The following GPATCH11 variants were observed in gnomAD, a reference collection of about 807,000 sequenced individuals.
GPATCH11 encodes the protein G patch domain-containing protein 11.
A neutral mutation model predicts 44.8 loss-of-function variants in GPATCH11; 32 were observed. That is an observed-to-expected ratio of 0.71 (90% CI 0.54 to 0.96). The LOEUF (loss-of-function observed/expected upper bound fraction) is 0.96, where lower values mean the gene tolerates loss of function less well. Among genes scored for constraint, GPATCH11 ranks in the 40% least tolerant of loss-of-function variants. The probability of loss-of-function intolerance (pLI) is 0.00; values close to 1 mark genes in which losing one functional copy is unlikely to be tolerated. For missense variants in GPATCH11, 324 were observed against 303.1 expected, an observed-to-expected ratio of 1.07 and a Z score of -0.51; for synonymous variants, 84 against 94.4, an observed-to-expected ratio of 0.89 and a Z score of 0.64.
Position 37,090,569 on chromosome 2 carries a change from A to G in GPATCH11, c.287-112A>G. 3.3e-6 allele frequency: 2 copies of G among 613,116 alleles called. 1 individual carries two copies. The highest frequency in any genetic ancestry group is 4.0e-5 in the South Asian group (2 of 49,950). The allele number at this position is 613,116 out of a possible 1,614,324, so 38.0% of individuals were successfully genotyped here. ...ATAGATGTTCAGATTTCAATTTTGA[A>G]TATCATTGAAACAGGAGGGCATATG... On this transcript the variant is annotated intron_variant, in intron 3 of 8. Coordinates refer to ENST00000674370, the MANE Select transcript of GPATCH11 (RefSeq NM_174931.4).
Position 37,092,469 on chromosome 2 carries a change from TTATATATATAA to T in GPATCH11, c.540+224_540+234del, listed in dbSNP as rs1368719010. Among the ~76,000 whole-genome samples the T allele has an allele frequency of 1.2e-4, 17 of 139,230 alleles. 1 individual carries two copies. In the East Asian group the frequency reaches 3.4e-3, roughly 28 times the overall value. 91.3% of individuals were successfully genotyped at this position (139,230 alleles called of 152,430 possible). A position where few individuals can be genotyped will look rare whatever the true frequency, so the allele number is the denominator to read the frequency against. ...TATATATTATATATATTTTATGTATTTATATATATAATATATATATTATATATATATATAAA... is the reference window on the plus strand; with the variant it reads ...TATATATTATATATATTTTATGTATTTATATATATTATATATATATATAAA... On this transcript the variant is annotated intron_variant, in intron 6 of 8. Transcript: ENST00000674370.
chr2:37,094,445 C>T (rs1673476484), intron 7 of GPATCH11: 1 of 282,968 alleles, frequency 3.5e-6, no homozygotes, highest in African/African-American at 2.2e-5. Flanking sequence ...TGCAGGATTA[C>T]TTTACTAACC....
At chr2:37,089,920 T>A (rs75560817) in intron 3 of GPATCH11, 54 bp downstream of exon 3, 58,540 of 1,244,590 alleles carry the variant, frequency 0.047, 1,616 homozygotes, top group Non-Finnish European at 0.055. Context: ...TTGTGACTTA[T>A]GGATAAGGAC....
intron 1 of GPATCH11, among the ~76,000 whole-genome samples, chr2:37,087,412 G>C (rs765064677): frequency 1.3e-5 from 2 of 152,230 alleles, no homozygotes; most frequent in Non-Finnish European, 2.9e-5. Context: ...CTGTGAACCT[G>C]CTAGAAATGC....
chr2:37,093,774 G>A (rs145193502), intron 6 of GPATCH11, among the ~76,000 whole-genome samples: 5,231 of 151,856 alleles, frequency 0.034, 124 homozygotes, highest in Non-Finnish European at 0.052. Flanking sequence ...CTCCTGCCTC[G>A]GCCTCCTGAG....
intron 6 of GPATCH11, among the ~76,000 whole-genome samples, chr2:37,093,474 C>T (rs895032120): frequency 2.0e-5 from 3 of 152,188 alleles, no homozygotes; most frequent in Non-Finnish European, 4.4e-5. Context: ...AGCAATCTCT[C>T]ACTTTCCTGT....
chr2:37,086,130 G>A (rs1673027500), intron 1 of GPATCH11, among the ~76,000 whole-genome samples: 1 of 152,094 alleles, frequency 6.6e-6, no homozygotes, highest in Admixed American at 6.5e-5. Flanking sequence ...GGTTACACAG[G>A]TTAATCCTGT....
intron 6 of GPATCH11, among the ~76,000 whole-genome samples, chr2:37,092,515 T>G (rs1673387990): frequency 6.8e-6 from 1 of 146,702 alleles, no homozygotes; most frequent in Admixed American, 6.9e-5. Flanking sequence ...AACTAAGAAC[T>G]CCAAGCCCGG....
intron 5 of GPATCH11, 51 bp downstream of exon 5, chr2:37,092,087 A>G (rs1673351428): frequency 6.2e-6 from 10 of 1,603,360 alleles, no homozygotes; most frequent in Middle Eastern, 1.7e-4. Flanking sequence ...TTATTGTGGT[A>G]TGTTCTCTGG....
At chr2:37,088,759 C>A (rs1472539472) in intron 2 of GPATCH11, among the ~76,000 whole-genome samples, 1 of 152,136 alleles carries the variant, frequency 6.6e-6, no homozygotes, top group Non-Finnish European at 1.5e-5. Flanking sequence ...TGGGCTCAGG[C>A]GATCCTCCGG....
rs557529342 is a variant in GPATCH11, at chr2:37,095,591, T to C, written c.736+73T>C. 81 of 1,410,496 alleles carry C rather than the reference T, an allele frequency of 5.7e-5. No individual in the cohort carries two copies. In the East Asian group the frequency reaches 7.6e-4, roughly 13 times the overall value. The allele number at this position is 1,410,496 out of a possible 1,614,324, so 87.4% of individuals were successfully genotyped here. A position where few individuals can be genotyped will look rare whatever the true frequency, so the allele number is the denominator to read the frequency against. ...ATTTTTAGTTAAAGTCATTTCCCACTGACAATGGAAATTTCTTATTCCATT... is the reference window on the plus strand; with the variant it reads ...ATTTTTAGTTAAAGTCATTTCCCACCGACAATGGAAATTTCTTATTCCATT... On this transcript the variant is annotated intron_variant, in intron 8 of 8. Transcript: ENST00000674370.
intron 6 of GPATCH11, among the ~76,000 whole-genome samples, chr2:37,092,463 A>ATGTATT (rs1673382241): frequency 7.1e-6 from 1 of 140,664 alleles, no homozygotes; most frequent in African/African-American, 2.5e-5. Flanking sequence ...TATATATTTT[A>ATGTATT]TGTATTTATA....
intron 7 of GPATCH11, 28 bp from the exon 8 acceptor site, chr2:37,095,409 G>A (rs945393298): frequency 3.1e-6 from 5 of 1,587,908 alleles, no homozygotes; most frequent in Middle Eastern, 1.7e-4. Flanking sequence ...TCAATGTAAA[G>A]TATTAATAAT....
intron 1 of GPATCH11, 107 bp downstream of exon 1, chr2:37,084,677 G>A (rs1672886680): frequency 2.1e-6 from 2 of 932,460 alleles, no homozygotes; most frequent in Non-Finnish European, 1.4e-6. Context: ...TTTTCCATCC[G>A]TGGGTGGTTG....
chr2:37,094,971 T>G (rs971011100), intron 7 of GPATCH11, among the ~76,000 whole-genome samples: 1 of 151,726 alleles, frequency 6.6e-6, no homozygotes, highest in African/African-American at 2.4e-5. Context: ...AAATGGAGAT[T>G]ATTCAAGAAA....
intron 3 of GPATCH11, among the ~76,000 whole-genome samples, chr2:37,090,469 G>A (rs1394671734): frequency 6.6e-6 from 1 of 152,140 alleles, no homozygotes; most frequent in Non-Finnish European, 1.5e-5. Flanking sequence ...GGTGGCATAG[G>A]AGGCTGTGAA....
At chr2:37,085,920 G>A (rs1281092219) in intron 1 of GPATCH11, among the ~76,000 whole-genome samples, 1 of 152,220 alleles carries the variant, frequency 6.6e-6, no homozygotes, top group Non-Finnish European at 1.5e-5. Context: ...GCTCACTCCT[G>A]TGGCTCATGA....
chr2:37,090,331 A>G (rs1673255044), intron 3 of GPATCH11, among the ~76,000 whole-genome samples: 1 of 152,320 alleles, frequency 6.6e-6, no homozygotes, highest in South Asian at 2.1e-4. Flanking sequence ...TAGAGAGGCT[A>G]TATATTTATA....
At chr2:37,086,376 G>C (rs1403839713) in intron 1 of GPATCH11, among the ~76,000 whole-genome samples, 1 of 152,192 alleles carries the variant, frequency 6.6e-6, no homozygotes, top group Non-Finnish European at 1.5e-5. Context: ...TATCCTCATT[G>C]TTGCTAAACA....
Sources: gnomAD v4.1 joint callset for allele counts (sites outside exome capture counted in the v4.1 genomes callset) on GRCh38, gnomAD v4.1.1 for gene constraint, MANE v1.5 for transcripts, NCBI Gene and HGNC (gene_info 2026-07-23, HGNC 2026-07-21) for gene names.